The following SPATA31E1 variants were observed in gnomAD, a reference collection of about 807,000 sequenced individuals.
SPATA31E1 encodes the protein spermatogenesis-associated protein 31E1.
A neutral mutation model predicts 12.9 loss-of-function variants in SPATA31E1; 7 were observed. The ratio of observed to expected loss-of-function variants is 0.54; its 90% CI spans 0.31 to 1.02. SPATA31E1 has a LOEUF of 1.02. SPATA31E1 is among the 50% of genes least tolerant of loss of function. The pLI is 0.05. For missense variants in SPATA31E1, 1,961 were observed against 1,799.8 expected (o/e 1.09, Z -1.62); for synonymous variants, 771 against 719.0 (o/e 1.07, Z -1.16).
Position 87,887,951 on chromosome 9 carries a change from G to C in SPATA31E1, c.3464G>C (p.Ser1155Thr). The change falls in exon 4 of 4, where the codon AGT (serine) becomes ACT (threonine). Residue 1155 changes from serine to threonine, a missense_variant. Physicochemically the swap from Ser to Thr is moderately conservative, Grantham distance 58. Transcript: ENST00000325643. Reference sequence around the variant, plus strand: ...CAAGCCCCTCTGTCCACCTCCCAGAGTGTGTCTGGTAAGAACATGACAGCT... The same window carrying C: ...CAAGCCCCTCTGTCCACCTCCCAGACTGTGTCTGGTAAGAACATGACAGCT... ...PTQAPLSTSQSVSGKNMTASQ... is the reference protein window; with the variant it reads ...PTQAPLSTSQTVSGKNMTASQ... 6.2e-7 allele frequency: 1 copy of C among 1,613,878 alleles called. No individual in the cohort carries two copies.
In SPATA31E1 at chr9:87,885,615, G is replaced by A; in HGVS notation, c.1128G>A (p.Lys376=). The change falls in exon 4 of 4, where the codon AAG becomes AAA. Residue 376 remains lysine, a synonymous_variant. Transcript: ENST00000325643. ...TCATCGCCAAGAGAGCACTGATGAA[G>A]ATGTGGCAGGAGAAAGAAAGAAAAC... ...ETLIAKRALM[K]MWQEKERKRA... The A allele has an allele frequency of 1.9e-6, 3 of 1,614,098 alleles. No homozygotes were observed. Among genetic ancestry groups the A allele is most frequent in the Non-Finnish European group, 2.5e-6 (3 of 1,180,028 alleles).
Position 87,887,015 on chromosome 9 carries a change from G to A in SPATA31E1, c.2528G>A (p.Cys843Tyr), listed in dbSNP as rs140371966. The change falls in exon 4 of 4, where the codon TGT (cysteine) becomes TAT (tyrosine). Residue 843 changes from cysteine (C) to tyrosine (Y), a missense_variant. Cys to Tyr is a radical substitution (Grantham distance 194). Coordinates refer to ENST00000325643, the MANE Select transcript of SPATA31E1 (RefSeq NM_178828.5). ...QILEVHLVRF[C>Y]VRHSWGTDLQ... The stretch of plus-strand genomic sequence containing the variant: ...CTGGAAGTACATCTTGTAAGGTTCT[G>A]TGTGAGGCACAGCTGGGGTACAGAC... The A allele has an allele frequency of 1.9e-6, 3 of 1,614,022 alleles. No homozygotes were observed. Among genetic ancestry groups the A allele is most frequent in the East Asian group, 2.2e-5 (1 of 44,880 alleles).
chr9:87,888,876 C>A lies in SPATA31E1; in HGVS notation c.*51C>A. 6.7e-7 allele frequency: 1 copy of A among 1,491,298 alleles called. No homozygotes were observed. Among genetic ancestry groups the A allele is most frequent in the East Asian group, 2.3e-5 (1 of 42,656 alleles). 92.4% of individuals were successfully genotyped at this position (1,491,298 alleles called of 1,614,324 possible). A position where few individuals can be genotyped will look rare whatever the true frequency, so the allele number is the denominator to read the frequency against. ...CCTGGGGGAGACAGGGGGTTCTACT[C>A]AAATAAAACTGATGCCTACACAATA... On this transcript the variant is annotated 3_prime_UTR_variant, in exon 4 of 4. Transcript: ENST00000325643.
chr9:87,888,802 GCA>G lies in SPATA31E1; in HGVS notation c.4318_4319del (p.Gln1440GlufsTer8), dbSNP rs770398601. 1.1e-5 allele frequency: 17 copies of G among 1,607,848 alleles called. No homozygotes were observed. In the South Asian group the frequency reaches 1.9e-4, roughly 18 times the overall value. ...TCCACAGCTGCAGGAACTGATGTCT[GCA>G]CAGAGGTGTCTTGCCTCCTGAACTA... ...PHPQLQELMS[A>X]QRCLAS On this transcript the variant is annotated frameshift_variant, in exon 4 of 4. Coordinates refer to ENST00000325643, the MANE Select transcript of SPATA31E1 (RefSeq NM_178828.5). LOFTEE classifies it low-confidence loss of function (END_TRUNC).
Position 87,887,717 on chromosome 9 carries a change from CA to C in SPATA31E1, c.3231del (p.Ala1078ArgfsTer15), listed in dbSNP as rs771774878. On this transcript the variant is annotated frameshift_variant, in exon 4 of 4. Coordinates refer to ENST00000325643, the MANE Select transcript of SPATA31E1 (RefSeq NM_178828.5). LOFTEE classifies it low-confidence loss of function (END_TRUNC). ...TGALGTTGNP[S>X]ASSVCVAQDP... ...GCTCTGGGGACCACTGGTAACCCCT[CA>C]GCGTCTTCAGTCTGTGTTGCTCAGG... 3.7e-6 allele frequency: 6 copies of C among 1,614,018 alleles called. No homozygotes were observed. The highest frequency in any genetic ancestry group is 5.1e-6 in the Non-Finnish European group (6 of 1,180,050).
Position 87,887,941 on chromosome 9 carries a change from A to G in SPATA31E1, c.3454A>G (p.Thr1152Ala). Reference sequence around the variant, plus strand: ...GCTGCCCACTCAAGCCCCTCTGTCCACCTCCCAGAGTGTGTCTGGTAAGAA... The same window carrying G: ...GCTGCCCACTCAAGCCCCTCTGTCCGCCTCCCAGAGTGTGTCTGGTAAGAA... Reference protein sequence around the residue: ...DRLPTQAPLSTSQSVSGKNMT... With the variant: ...DRLPTQAPLSASQSVSGKNMT... The change falls in exon 4 of 4, where the codon ACC becomes GCC. Residue 1152 changes from threonine (T) to alanine (A), a missense_variant. Transcript: ENST00000325643. 6.2e-7 allele frequency: 1 copy of G among 1,613,706 alleles called. No homozygotes were observed. The highest frequency in any genetic ancestry group is 1.3e-5 in the African/African-American group (1 of 74,994).
At position 87,883,212 on chromosome 9, in the gene SPATA31E1, TCAGCC is replaced by T. The variant is rs1390661017; in HGVS notation, c.309+19_309+23del. 1.9e-6 allele frequency: 3 copies of T among 1,564,282 alleles called. No individual in the cohort carries two copies. Among genetic ancestry groups the T allele is most frequent in the Admixed American group, 1.8e-5 (1 of 55,712 alleles). ...GGAGCAGCAGGGAGGTAAGGAGTCC[TCAGCC>T]CAGCCCCACAGAGAAAGATTCTCTC... On this transcript the variant is annotated intron_variant, in intron 1 of 3. Transcript: ENST00000325643.
Position 87,885,091 on chromosome 9 carries a change from C to G in SPATA31E1, c.604C>G (p.Leu202Val). 1.2e-6 allele frequency: 2 copies of G among 1,614,212 alleles called. No homozygotes were observed. ...TCCCCCAGCTCCTCTGGCCTCCACC[C>G]TGTCACCAGGCCCGATGACCTTCTC... ...PAPPAPLAST[L>V]SPGPMTFSEP... The change falls in exon 4 of 4, where the codon CTG becomes GTG. Residue 202 changes from leucine (L) to valine (V), a missense_variant. Leu to Val is a conservative substitution (Grantham distance 32, BLOSUM62 1). Coordinates refer to ENST00000325643, the MANE Select transcript of SPATA31E1 (RefSeq NM_178828.5).
chr9:87,883,153 AG>A lies in SPATA31E1; in HGVS notation c.263del (p.Ser88MetfsTer33), dbSNP rs983730925. On this transcript the variant is annotated frameshift_variant, in exon 1 of 4. Coordinates refer to ENST00000325643, the MANE Select transcript of SPATA31E1 (RefSeq NM_178828.5). LOFTEE classifies it high-confidence loss of function. ...CTTCCTATTGCTCCTCTACGTCCAC[AG>A]TGACCCACCCTCACCCCCGCCCGGG... is the stretch of plus-strand genomic sequence containing the variant. Reference protein sequence around the residue: ...LLFLLLLYVHSDPPSPPPGRK... With the variant: ...LLFLLLLYVHXDPPSPPPGRK... 1 of 1,594,460 alleles carries A rather than the reference AG, an allele frequency of 6.3e-7. No individual in the cohort carries two copies.
rs146303708 is a variant in SPATA31E1 at position 87,883,177 on chromosome 9, G to C, written c.286G>C (p.Gly96Arg). ...VHSDPPSPPPGRKRSSREPQR... is the reference protein window; with the variant it reads ...VHSDPPSPPPRRKRSSREPQR... ...CAGTGACCCACCCTCACCCCCGCCC[G>C]GGAGGAAGAGGAGCAGCAGGGAGGT... Residue 96 changes from glycine (G) to arginine (R), a missense_variant, in exon 1 of 4, where the codon GGG becomes CGG. By Grantham distance (125) the Gly-to-Arg change is moderately radical. Coordinates refer to ENST00000325643, the MANE Select transcript of SPATA31E1 (RefSeq NM_178828.5). 1 of 1,581,042 alleles carries C rather than the reference G, an allele frequency of 6.3e-7. No individual in the cohort carries two copies. The highest frequency in any genetic ancestry group is 8.6e-7 in the Non-Finnish European group (1 of 1,159,698).
chr9:87,883,439 G>C (rs946884738), intron 1 of SPATA31E1, among the ~76,000 whole-genome samples: 17 of 152,144 alleles, frequency 1.1e-4, no homozygotes, highest in Non-Finnish European at 2.9e-5. Flanking sequence ...GCAAGGACCG[G>C]GTCAGGAGAG....
rs747043881 is a variant in SPATA31E1, at chr9:87,886,082, CAA to C, written c.1596_1597del (p.Ser533ProfsTer10). On this transcript the variant is annotated frameshift_variant, in exon 4 of 4. Transcript: ENST00000325643. LOFTEE classifies it low-confidence loss of function (END_TRUNC). The stretch of plus-strand genomic sequence containing the variant: ...CAGGCCCACCTCTCACCCCCTGTCC[CAA>C]GCCTGGGGTGCTCTTCTCCACCCCA... The C allele has an allele frequency of 2.9e-5, 47 of 1,610,126 alleles. No homozygotes were observed. In the East Asian group the frequency reaches 1.0e-3, roughly 34 times the overall value.
rs201798562 is a variant in SPATA31E1, at chr9:87,885,152, C to T, written c.665C>T (p.Ser222Phe). ...PFGPHSTLSA[S>F]GPPEPLLPLK... ...GGACCACACTCAACCCTGAGTGCCT[C>T]CGGGCCACCAGAGCCCTTGCTTCCC... is the stretch of plus-strand genomic sequence containing the variant. Residue 222 changes from serine (S) to phenylalanine (F), a missense_variant, in exon 4 of 4, where the codon TCC (serine) becomes TTC (phenylalanine). Coordinates refer to ENST00000325643, the MANE Select transcript of SPATA31E1 (RefSeq NM_178828.5). The T allele has an allele frequency of 7.4e-6, 12 of 1,614,198 alleles. No individual in the cohort carries two copies. The African/African-American group carries it at 1.5e-4, about 20-fold the overall frequency.
Position 87,883,032 on chromosome 9 carries a change from T to C in SPATA31E1, c.141T>C (p.Phe47=). ...CACTTCAGATGGAGAAAATGCTCTT[T>C]CCTCTGAAGAGCCCTAGTGCCACAT... is the stretch of plus-strand genomic sequence containing the variant. ...DIALQMEKML[F]PLKSPSATWL... Residue 47 remains phenylalanine, a synonymous_variant, in exon 1 of 4, where the codon TTT becomes TTC. Coordinates refer to ENST00000325643, the MANE Select transcript of SPATA31E1 (RefSeq NM_178828.5). 2 of 1,613,386 alleles carry C rather than the reference T, an allele frequency of 1.2e-6. No individual in the cohort carries two copies. Among genetic ancestry groups the C allele is most frequent in the Non-Finnish European group, 1.7e-6 (2 of 1,179,884 alleles).
chr9:87,886,426 T>C lies in SPATA31E1; in HGVS notation c.1939T>C (p.Leu647=), dbSNP rs754509524. ...QEQSCGPPSR[L]QASGDLLQPD... ...GCAGTCCTGTGGCCCTCCCAGCAGA[T>C]TGCAGGCATCTGGGGACCTGCTACA... Residue 647 remains leucine, a synonymous_variant, in exon 4 of 4, where the codon TTG becomes CTG. Coordinates refer to ENST00000325643, the MANE Select transcript of SPATA31E1 (RefSeq NM_178828.5). The C allele has an allele frequency of 6.8e-6, 11 of 1,613,692 alleles. No homozygotes were observed. Among genetic ancestry groups the C allele is most frequent in the Non-Finnish European group, 9.3e-6 (11 of 1,179,954 alleles).
Position 87,885,359 on chromosome 9 carries a change from G to C in SPATA31E1, c.872G>C (p.Arg291Thr), listed in dbSNP as rs1184361142. 3 of 1,613,818 alleles carry C rather than the reference G, an allele frequency of 1.9e-6. No homozygotes were observed. Among genetic ancestry groups the C allele is most frequent in the Non-Finnish European group, 2.5e-6 (3 of 1,179,938 alleles). ...LHNQVLPPPT[R>T]VISGLGCSSD... ...AACCAGGTGCTGCCTCCTCCAACCA[G>C]GGTGATCTCTGGCCTGGGGTGCTCC... is the stretch of plus-strand genomic sequence containing the variant. Residue 291 changes from arginine to threonine, a missense_variant, in exon 4 of 4, where the codon AGG (arginine) becomes ACG (threonine). By Grantham distance (71) the Arg-to-Thr change is moderately conservative. Coordinates refer to ENST00000325643, the MANE Select transcript of SPATA31E1 (RefSeq NM_178828.5).
chr9:87,886,103 C>T lies in SPATA31E1; in HGVS notation c.1616C>T (p.Pro539Leu), dbSNP rs767104285. The change falls in exon 4 of 4, where the codon CCA (proline) becomes CTA (leucine). Residue 539 changes from proline to leucine, a missense_variant. By Grantham distance (98) the Pro-to-Leu change is moderately conservative (BLOSUM62 -3). Coordinates refer to ENST00000325643, the MANE Select transcript of SPATA31E1 (RefSeq NM_178828.5). ...PPVPSLGCSS[P>L]PQIRGCGASY... ...GTCCCAAGCCTGGGGTGCTCTTCTC[C>T]ACCCCAGATTAGGGGCTGTGGGGCA... 1.6e-5 allele frequency: 26 copies of T among 1,605,936 alleles called. No individual in the cohort carries two copies. The East Asian group carries it at 5.6e-4, about 34-fold the overall frequency.
chr9:87,886,258 G>GT lies in SPATA31E1; in HGVS notation c.1773dup (p.Leu592SerfsTer32). 8.1e-6 allele frequency: 13 copies of GT among 1,613,912 alleles called. No individual in the cohort carries two copies. The highest frequency in any genetic ancestry group is 1.1e-5 in the Non-Finnish European group (13 of 1,180,014). On this transcript the variant is annotated frameshift_variant, in exon 4 of 4. Transcript: ENST00000325643. LOFTEE classifies it low-confidence loss of function (END_TRUNC). ...CTCTCTCCTCAAAAAGTCTCAGGCT[G>GT]TTCTGAGCCAGCCCACTGCCCACCT...
chr9:87,884,816 G>C, intron 3 of SPATA31E1, 97 bp from the exon 4 acceptor site: 1 of 1,460,050 alleles, frequency 6.8e-7, no homozygotes, highest in East Asian at 2.4e-5. Flanking sequence ...TCAGCAGTTG[G>C]GGAGGTGGAG....
Sources: allele counts gnomAD v4.1 joint callset (sites outside exome capture counted in the v4.1 genomes callset), GRCh38; gene constraint gnomAD v4.1.1; transcripts MANE v1.5; gene names NCBI Gene and HGNC (gene_info 2026-07-23, HGNC 2026-07-21).